The following ZFAND3 variants were observed in gnomAD, a reference collection of about 807,000 sequenced individuals.
ZFAND3 encodes the protein zinc finger AN1-type containing 3, also known as AN1-type zinc finger protein 3.
ZFAND3 carries 10 observed loss-of-function variants against 29.6 expected under a neutral mutation model. The observed-to-expected ratio is 0.34, with a 90% CI of 0.21 to 0.57. The LOEUF is 0.57. Ranked by LOEUF, ZFAND3 falls within the 20% of genes least tolerant of loss-of-function variation. The pLI, the probability that ZFAND3 is intolerant of heterozygous loss-of-function variation, is 0.86. For missense variants in ZFAND3, 230 were observed against 304.5 expected (o/e 0.76, Z 1.82); for synonymous variants, 128 against 112.6 (o/e 1.14, Z -0.87).
chr6:38,047,419 C>A (rs904726448), intron 2 of ZFAND3, among the ~76,000 whole-genome samples: 1 of 151,938 alleles, frequency 6.6e-6, no homozygotes, highest in Non-Finnish European at 1.5e-5. Flanking sequence ...AATATAGTAT[C>A]TTTATTCCTT....
intron 5 of ZFAND3, among the ~76,000 whole-genome samples, chr6:38,138,244 A>G (rs1286473022): frequency 6.6e-6 from 1 of 152,188 alleles, no homozygotes; most frequent in African/African-American, 2.4e-5. Context: ...ATACATAAAA[A>G]TAGACAGTGG....
Position 37,850,356 on chromosome 6 carries a change from CT to C in ZFAND3, c.71+30341del, listed in dbSNP as rs79462218. On this transcript the variant is annotated intron_variant, in intron 1 of 5. Coordinates refer to ENST00000287218, the MANE Select transcript of ZFAND3 (RefSeq NM_021943.3). Reference sequence around the variant, plus strand: ...AATCAGTTAGTCAACAAATATTCTGCTGTTTACTTTGTGCCAGAAATGACTC... The same window carrying C: ...AATCAGTTAGTCAACAAATATTCTGCGTTTACTTTGTGCCAGAAATGACTC... 0.017 allele frequency among the ~76,000 whole-genome samples: 2,571 copies of C among 152,220 alleles called. 248 individuals are homozygous for C. In the East Asian group the frequency reaches 0.28, roughly 16 times the overall value.
chr6:37,953,560 A>T (rs774166621), intron 2 of ZFAND3, among the ~76,000 whole-genome samples: 20 of 148,936 alleles, frequency 1.3e-4, no homozygotes, highest in Non-Finnish European at 1.8e-4. Flanking sequence ...TGAAGCAATC[A>T]TCTCATCTTA....
intron 1 of ZFAND3, among the ~76,000 whole-genome samples, chr6:37,897,610 A>C (rs1300520944): frequency 6.6e-6 from 1 of 152,212 alleles, no homozygotes; most frequent in African/African-American, 2.4e-5. Context: ...TCCCAGCATC[A>C]GCGGATTAGT....
At chr6:38,000,679 C>G (rs1458119954) in intron 2 of ZFAND3, among the ~76,000 whole-genome samples, 1 of 152,114 alleles carries the variant, frequency 6.6e-6, no homozygotes, top group Non-Finnish European at 1.5e-5. Flanking sequence ...GAATTATTCT[C>G]TAGTAAAACA....
chr6:37,985,748 A>G (rs529268006), intron 2 of ZFAND3, among the ~76,000 whole-genome samples: 1 of 152,380 alleles, frequency 6.6e-6, no homozygotes, highest in African/African-American at 2.4e-5. Context: ...CCACCAACAT[A>G]CAAAGCACAT....
In ZFAND3 at chr6:37,966,405, GC is replaced by G. The variant is rs371987052; in HGVS notation, c.112+36408del. On this transcript the variant is annotated intron_variant, in intron 2 of 5. Coordinates refer to ENST00000287218, the MANE Select transcript of ZFAND3 (RefSeq NM_021943.3). ...AAAGTGCCAGGCATTGTGCTAAGGT[GC>G]CTTATATCTCTCACTTAATTCTCAC... is the stretch of plus-strand genomic sequence containing the variant. Among the ~76,000 whole-genome samples, 32 of 152,276 alleles carry G rather than the reference GC, an allele frequency of 2.1e-4. No individual in the cohort carries two copies. The East Asian group carries it at 5.0e-3, about 24-fold the overall frequency.
intron 2 of ZFAND3, among the ~76,000 whole-genome samples, chr6:37,991,654 T>G (rs1762760667): frequency 6.6e-6 from 1 of 152,310 alleles, no homozygotes; most frequent in South Asian, 2.1e-4. Context: ...CAGGGAAATT[T>G]CACTTGCCCC....
At chr6:37,825,423 G>A (rs369697853) in intron 1 of ZFAND3, among the ~76,000 whole-genome samples, 4 of 152,246 alleles carry the variant, frequency 2.6e-5, no homozygotes, top group South Asian at 4.1e-4. Context: ...ATTCACTGTC[G>A]GTTCATTTAT....
At position 37,819,833 on chromosome 6, in the gene ZFAND3, C is replaced by T. The variant is rs990052795; in HGVS notation, c.-113C>T. On this transcript the variant is annotated 5_prime_UTR_variant, in exon 1 of 6. Transcript: ENST00000287218. The stretch of plus-strand genomic sequence containing the variant: ...GCCCGCCCGCGCGCCCGCTCCTTCC[C>T]CCTCCCCCCGCCCCGAGCCCCCCGA... 2.3e-4 allele frequency: 138 copies of T among 606,300 alleles called. No homozygotes were observed. The highest frequency in any genetic ancestry group is 2.1e-3 in the African/African-American group (108 of 50,428). 37.6% of individuals were successfully genotyped at this position (606,300 alleles called of 1,614,324 possible).
At chr6:38,070,003 C>T (rs1455831296) in intron 3 of ZFAND3, among the ~76,000 whole-genome samples, 2 of 152,186 alleles carry the variant, frequency 1.3e-5, no homozygotes, top group African/African-American at 4.8e-5. Flanking sequence ...TAGAATAGAA[C>T]ATGAAAATAT....
intron 1 of ZFAND3, among the ~76,000 whole-genome samples, chr6:37,928,631 G>A (rs548372305): frequency 2.0e-5 from 3 of 152,012 alleles, no homozygotes; most frequent in Non-Finnish European, 2.9e-5. Flanking sequence ...AGCGATTCTT[G>A]TGTCTCAGCC....
chr6:38,069,644 T>C (rs1413757585), intron 3 of ZFAND3, among the ~76,000 whole-genome samples: 2 of 152,148 alleles, frequency 1.3e-5, no homozygotes, highest in African/African-American at 4.8e-5. Context: ...TGTACAGTTA[T>C]ATGCTATATT....
chr6:37,851,483 G>A (rs1764280988), intron 1 of ZFAND3, among the ~76,000 whole-genome samples: 2 of 144,390 alleles, frequency 1.4e-5, no homozygotes, highest in African/African-American at 5.3e-5. Flanking sequence ...TCCTTAGTCT[G>A]CCTCCAAACT....
At chr6:38,099,796 C>A (rs1351580920) in intron 4 of ZFAND3, among the ~76,000 whole-genome samples, 1 of 152,140 alleles carries the variant, frequency 6.6e-6, no homozygotes, top group Non-Finnish European at 1.5e-5. Context: ...CTGGGTGCTG[C>A]TGCTTTTTTT....
intron 1 of ZFAND3, among the ~76,000 whole-genome samples, chr6:37,856,845 G>A (rs1272081839): frequency 1.3e-5 from 2 of 151,986 alleles, no homozygotes; most frequent in Non-Finnish European, 2.9e-5. Flanking sequence ...GAGAGTGAAA[G>A]TTTATTACAA....
intron 1 of ZFAND3, among the ~76,000 whole-genome samples, chr6:37,907,351 T>G (rs1374168630): frequency 6.6e-6 from 1 of 152,186 alleles, no homozygotes; most frequent in East Asian, 1.9e-4. Flanking sequence ...ATTATAGCAT[T>G]TCTATCATTC....
chr6:37,969,685 G>A lies in ZFAND3; in HGVS notation c.112+39686G>A, dbSNP rs559455866. On this transcript the variant is annotated intron_variant, in intron 2 of 5. Transcript: ENST00000287218. ...TGTATACAATAGTGGTCAGAGTAGT[G>A]AGTTACTCAGAAGAACTAAAATATT... is the stretch of plus-strand genomic sequence containing the variant. 2.6e-5 allele frequency among the ~76,000 whole-genome samples: 4 copies of A among 152,240 alleles called. No individual in the cohort carries two copies. The South Asian group carries it at 8.3e-4, about 32-fold the overall frequency.
At chr6:38,067,350 A>T (rs1005849464) in intron 3 of ZFAND3, among the ~76,000 whole-genome samples, 9 of 152,216 alleles carry the variant, frequency 5.9e-5, no homozygotes, top group Non-Finnish European at 8.8e-5. Flanking sequence ...CCTGTAAGGC[A>T]GGTACTTCTA....
Sources: gnomAD v4.1 joint callset for allele counts (sites outside exome capture counted in the v4.1 genomes callset) on GRCh38, gnomAD v4.1.1 for gene constraint, MANE v1.5 for transcripts, NCBI Gene and HGNC (gene_info 2026-07-23, HGNC 2026-07-21) for gene names.